The following LSM14B variants were observed in gnomAD, a reference collection of about 807,000 sequenced individuals.
The protein encoded by LSM14B is LSM family member 14B, also known as protein LSM14 homolog B.
LSM14B carries 8 observed loss-of-function variants against 42.1 expected under a neutral mutation model. The observed-to-expected ratio is 0.19, with a 90% CI of 0.11 to 0.34. The LOEUF (loss-of-function observed/expected upper bound fraction) is 0.34. Among genes scored for constraint, LSM14B ranks in the 10% least tolerant of loss-of-function variants. The pLI is 1.00. For synonymous variants in LSM14B, 219 were observed against 209.7 expected (o/e 1.04, Z -0.38); for missense variants, 396 against 513.1 (o/e 0.77, Z 2.21).
chr20:62,132,228 T>TGAGAA, intron 7 of LSM14B, among the ~76,000 whole-genome samples: 1 of 152,316 alleles, frequency 6.6e-6, no homozygotes, highest in Non-Finnish European at 1.5e-5. Context: ...AAGTGGATGA[T>TGAGAA]CAGTTCTCAC....
intron 6 of LSM14B, 98 bp from the exon 7 acceptor site, chr20:62,131,258 T>G: frequency 5.1e-6 from 7 of 1,360,650 alleles, no homozygotes; most frequent in Non-Finnish European, 6.9e-6. Flanking sequence ...TGTCTTAGCT[T>G]GAGGGTGGCT....
At chr20:62,124,553 T>A (rs1357332797) in intron 1 of LSM14B, 64 bp from the exon 2 acceptor site, 3 of 1,549,634 alleles carry the variant, frequency 1.9e-6, no homozygotes, top group East Asian at 4.5e-5. Context: ...TTGGGAGCAG[T>A]GGTGTCAGGG....
At chr20:62,124,815 G>A (rs6121903) in intron 2 of LSM14B, 35 bp downstream of exon 2, 2 of 1,576,622 alleles carry the variant, frequency 1.3e-6, no homozygotes, top group Non-Finnish European at 1.7e-6. Context: ...GCATGCTGTA[G>A]GAGATGCTGG....
intron 7 of LSM14B, among the ~76,000 whole-genome samples, chr20:62,131,976 G>C (rs752383281): frequency 6.6e-6 from 1 of 152,240 alleles, no homozygotes; most frequent in South Asian, 2.1e-4. Context: ...CAGCTGGTCA[G>C]AAGTCCCGCG....
intron 6 of LSM14B, 45 bp from the exon 7 acceptor site, chr20:62,131,311 G>A (rs75003636): frequency 0.032 from 50,337 of 1,551,696 alleles, 947 homozygotes; most frequent in Non-Finnish European, 0.038. Context: ...AAGGCTGTGC[G>A]CTCTGCCCCT....
intron 2 of LSM14B, among the ~76,000 whole-genome samples, chr20:62,125,579 T>G (rs1389357834): frequency 1.3e-5 from 2 of 152,232 alleles, no homozygotes; most frequent in Non-Finnish European, 2.9e-5. Flanking sequence ...GGTTATGGCT[T>G]ATTTTGCCCA....
At chr20:62,124,882 C>CTT (rs11480126) in intron 2 of LSM14B, 102 bp downstream of exon 2, 83,879 of 875,302 alleles carry the variant, frequency 0.096, no homozygotes, top group Non-Finnish European at 0.11. Flanking sequence ...GAGGAATAAC[C>CTT]TTTTTTTTTT....
At position 62,122,519 on chromosome 20, in the gene LSM14B, C is replaced by T. The variant is rs1165537019; in HGVS notation, c.-148C>T. On this transcript the variant is annotated 5_prime_UTR_variant, in exon 1 of 9. Coordinates refer to ENST00000279068, the MANE Select transcript of LSM14B (RefSeq NM_144703.3). This position sits in a 1 kb window ranked among gnomAD's most constrained non-coding sequence, Gnocchi z 4.6. The stretch of plus-strand genomic sequence containing the variant: ...GTTCGCTCGGTGCCCGCGCAGGCCC[C>T]TCGGGCGGTGGCGAGGAGGCGCCCA... 16 of 493,430 alleles carry T rather than the reference C, an allele frequency of 3.2e-5. No homozygotes were observed. The highest frequency in any genetic ancestry group is 4.2e-5 in the Non-Finnish European group (16 of 380,474). 30.6% of individuals were successfully genotyped at this position (493,430 alleles called of 1,614,324 possible).
At chr20:62,127,496 C>A in intron 3 of LSM14B, 2 of 928,876 alleles carry the variant, frequency 2.2e-6, no homozygotes, top group Non-Finnish European at 3.3e-6. Context: ...GGTTGCTTGG[C>A]TCTTTCCAAG....
At position 62,122,849 on chromosome 20, in the gene LSM14B, C is replaced by T. The variant is rs1600904263; in HGVS notation, c.127+56C>T. ...ACCCCCGTCCGCCAACAGCCCCGGC[C>T]TGCGGTGCCCTCCCCGCCCCGGGGC... On this transcript the variant is annotated intron_variant, in intron 1 of 8. Transcript: ENST00000279068. This position sits in a 1 kb window ranked among gnomAD's most constrained non-coding sequence, Gnocchi z 4.6. 1 of 1,379,090 alleles carries T rather than the reference C, an allele frequency of 7.3e-7. No homozygotes were observed. Among genetic ancestry groups the T allele is most frequent in the South Asian group, 1.5e-5 (1 of 65,042 alleles). 85.4% of individuals were successfully genotyped at this position (1,379,090 alleles called of 1,614,324 possible).
Position 62,124,727 on chromosome 20 carries a change from T to C in LSM14B, c.238T>C (p.Cys80Arg). The C allele has an allele frequency of 6.2e-7, 1 of 1,613,924 alleles. No homozygotes were observed. The highest frequency in any genetic ancestry group is 8.5e-7 in the Non-Finnish European group (1 of 1,179,880). ...RGSDIKDITV[C>R]EPPKAQHTLP... ...AAGTGACATCAAGGATATCACTGTG[T>C]GTGAACCTCCGAAAGCTCAGCACAC... Residue 80 changes from cysteine to arginine, a missense_variant, in exon 2 of 9, where the codon TGT becomes CGT. Physicochemically the swap from Cys to Arg is radical, Grantham distance 180 (BLOSUM62 -3). Transcript: ENST00000279068.
Position 62,129,670 on chromosome 20 carries a change from C to G in LSM14B, c.428-115C>G. The stretch of plus-strand genomic sequence containing the variant: ...GCTTTGCCTGGATTTGATAGAACAT[C>G]TAGGCAGTTGCCCTCCTTTCCTTCC... On this transcript the variant is annotated intron_variant, in intron 3 of 8. Transcript: ENST00000279068. 2.6e-6 allele frequency: 3 copies of G among 1,142,196 alleles called. No homozygotes were observed. The South Asian group carries it at 4.8e-5, about 18-fold the overall frequency. 70.8% of individuals were successfully genotyped at this position (1,142,196 alleles called of 1,614,324 possible).
In LSM14B at chr20:62,122,576, G is replaced by A. The variant is rs1046988892; in HGVS notation, c.-91G>A. 2.2e-6 allele frequency: 2 copies of A among 929,460 alleles called. No homozygotes were observed. The highest frequency in any genetic ancestry group is 1.2e-4 in the Admixed American group (2 of 16,084). 57.6% of individuals were successfully genotyped at this position (929,460 alleles called of 1,614,324 possible). ...GGCGGCGGCGGGCGGAGGAGCGCAG[G>A]AGCGGGCGGCCAGGCCACCGCGCGG... On this transcript the variant is annotated 5_prime_UTR_variant, in exon 1 of 9. Coordinates refer to ENST00000279068, the MANE Select transcript of LSM14B (RefSeq NM_144703.3). The surrounding 1 kb of genome is among the most constrained non-coding windows in gnomAD (Gnocchi z 4.6).
At chr20:62,132,370 A>C (rs957606497) in intron 7 of LSM14B, among the ~76,000 whole-genome samples, 1 of 152,210 alleles carries the variant, frequency 6.6e-6, no homozygotes, top group Non-Finnish European at 1.5e-5. Flanking sequence ...GCGGGAAGCC[A>C]TCAGAGGGTT....
In LSM14B at chr20:62,130,399, G is replaced by A. The variant is rs2056733360; in HGVS notation, c.673+103G>A. 6.6e-7 allele frequency: 1 copy of A among 1,523,692 alleles called. No individual in the cohort carries two copies. Among genetic ancestry groups the A allele is most frequent in the African/African-American group, 1.4e-5 (1 of 72,770 alleles). 94.4% of individuals were successfully genotyped at this position (1,523,692 alleles called of 1,614,324 possible). On this transcript the variant is annotated intron_variant, in intron 5 of 8. Coordinates refer to ENST00000279068, the MANE Select transcript of LSM14B (RefSeq NM_144703.3). The surrounding 1 kb of genome is among the most constrained non-coding windows in gnomAD (Gnocchi z 4.1). ...CTGGTTGACGGTTTCAGGGGTGCTG[G>A]TGTGAAGTCGCTGCTTGTGTGCTCT...
intron 3 of LSM14B, chr20:62,129,055 C>T: frequency 7.9e-7 from 1 of 1,273,152 alleles, no homozygotes; most frequent in Non-Finnish European, 1.0e-6. Context: ...TCCCATTTTC[C>T]TCCTGATTCA....
intron 1 of LSM14B, chr20:62,123,330 T>G (rs1295011075): frequency 6.6e-6 from 1 of 152,412 alleles, no homozygotes; most frequent in Non-Finnish European, 1.5e-5. Flanking sequence ...GCTGGGGCCT[T>G]GATCCTGAAC....
intron 3 of LSM14B, chr20:62,128,889 G>A (rs777382747): frequency 1.7e-6 from 2 of 1,177,296 alleles, no homozygotes; most frequent in South Asian, 2.6e-5. Context: ...CATGTGTATT[G>A]GGCTGTTCGT....
rs894161410 is a variant in LSM14B, at chr20:62,126,393, G to A, written c.381G>A (p.Ala127=). 1 of 1,611,698 alleles carries A rather than the reference G, an allele frequency of 6.2e-7. No homozygotes were observed. The highest frequency in any genetic ancestry group is 8.5e-7 in the Non-Finnish European group (1 of 1,179,854). The stretch of plus-strand genomic sequence containing the variant: ...GGATGGCGCCCTACGGCCCGCTGGC[G>A]GCCAGCTCCCTGCTCAGCCAGCAGT... The part of the protein sequence containing the change: ...FRGMAPYGPL[A]ASSLLSQQYA... Residue 127 remains alanine (A), a synonymous_variant, in exon 3 of 9, where the codon GCG becomes GCA. Coordinates refer to ENST00000279068, the MANE Select transcript of LSM14B (RefSeq NM_144703.3).
Sources: gnomAD v4.1 joint callset for allele counts (sites outside exome capture counted in the v4.1 genomes callset) on GRCh38, gnomAD v4.1.1 for gene constraint, Gnocchi (gnomAD v3.1) non-coding constraint, MANE v1.5 for transcripts, NCBI Gene and HGNC (gene_info 2026-07-23, HGNC 2026-07-21) for gene names.